Variants in SYT1 observed in about 807,000 individuals in gnomAD.
The protein encoded by SYT1 is synaptotagmin 1.
A neutral mutation model predicts 44.8 loss-of-function variants in SYT1; 8 were observed. The observed-to-expected ratio is 0.18, with a 90% confidence interval of 0.10 to 0.32. The LOEUF is 0.32. Ranked by LOEUF, SYT1 falls within the 10% of genes least tolerant of loss-of-function variation. The probability of loss-of-function intolerance (pLI) is 1.00; values close to 1 mark genes in which losing one functional copy is unlikely to be tolerated. For synonymous variants in SYT1, 154 were observed against 188.8 expected, an observed-to-expected ratio of 0.82 and a Z score of 1.51; for missense variants, 286 against 509.3, an observed-to-expected ratio of 0.56 and a Z score of 4.22.
intron 4 of SYT1, among the ~76,000 whole-genome samples, chr12:79,272,715 A>G (rs1161168075): frequency 6.6e-6 from 1 of 152,222 alleles, no homozygotes; most frequent in African/African-American, 2.4e-5. Context: ...GAATGGGAAG[A>G]TAACCAAGGG....
At chr12:79,317,313 T>A (rs1158260121) in intron 8 of SYT1, among the ~76,000 whole-genome samples, 2 of 152,222 alleles carry the variant, frequency 1.3e-5, no homozygotes, top group East Asian at 3.9e-4. Context: ...GTCAGCCTAC[T>A]TTATGCAAAA....
At chr12:79,384,781 G>A (rs908848561) in intron 9 of SYT1, among the ~76,000 whole-genome samples, 3 of 152,042 alleles carry the variant, frequency 2.0e-5, no homozygotes, top group Admixed American at 1.3e-4. Context: ...ATTGTTGGCC[G>A]ATGTGAAAAA....
chr12:79,447,097 C>T (rs531088390), intron 10 of SYT1, among the ~76,000 whole-genome samples: 1 of 152,202 alleles, frequency 6.6e-6, no homozygotes, highest in South Asian at 2.1e-4. Context: ...GAGGCAATAG[C>T]GTTTTGTCAG....
intron 3 of SYT1, among the ~76,000 whole-genome samples, chr12:79,125,636 AG>A (rs1868392746): frequency 1.3e-5 from 2 of 151,588 alleles, no homozygotes; most frequent in African/African-American, 2.4e-5. Context: ...AAAGAAAAAA[AG>A]AAAAAAAAAG....
chr12:78,903,134 T>TA (rs1209706869), intron 1 of SYT1, among the ~76,000 whole-genome samples: 2 of 152,062 alleles, frequency 1.3e-5, no homozygotes, highest in African/African-American at 2.4e-5. Context: ...AGAAGTAAAA[T>TA]AAAAAATCGT....
intron 1 of SYT1, among the ~76,000 whole-genome samples, chr12:78,928,851 A>T (rs1276007126): frequency 6.6e-6 from 1 of 152,154 alleles, no homozygotes; most frequent in South Asian, 2.1e-4. Context: ...ACTGCACGGT[A>T]ACTAAAGCCA....
chr12:79,423,201 C>T (rs962160198), intron 9 of SYT1, among the ~76,000 whole-genome samples: 1 of 152,114 alleles, frequency 6.6e-6, no homozygotes, highest in African/African-American at 2.4e-5. Context: ...CACATGTGTG[C>T]ACACGTGCAT....
At chr12:79,146,064 A>C (rs879594763) in intron 3 of SYT1, among the ~76,000 whole-genome samples, 3 of 152,096 alleles carry the variant, frequency 2.0e-5, no homozygotes, top group Non-Finnish European at 2.9e-5. Context: ...GCCTAAACAT[A>C]GTGTTTTAAG....
At chr12:78,952,467 T>C (rs1879017257) in intron 1 of SYT1, among the ~76,000 whole-genome samples, 1 of 152,168 alleles carries the variant, frequency 6.6e-6, no homozygotes, top group Non-Finnish European at 1.5e-5. Flanking sequence ...GGTTCTATTG[T>C]ACTATAAATT....
At chr12:78,974,597 C>T (rs922660826) in intron 1 of SYT1, among the ~76,000 whole-genome samples, 3 of 151,768 alleles carry the variant, frequency 2.0e-5, no homozygotes, top group Non-Finnish European at 2.9e-5. Context: ...CCACCATGCC[C>T]GGCTAATTTT....
At position 78,988,671 on chromosome 12, in the gene SYT1, T is replaced by G. The variant is rs930574757; in HGVS notation, c.-84+10740T>G. Among the ~76,000 whole-genome samples the G allele has an allele frequency of 4.0e-5, 6 of 151,194 alleles. No homozygotes were observed. In the South Asian group the frequency reaches 1.3e-3, roughly 32 times the overall value. ...TGTAGAGTGAGTGAGGAAATATACTTGGAGATGTGAAGTCAGAGATTTAGA... is the reference window on the plus strand; with the variant it reads ...TGTAGAGTGAGTGAGGAAATATACTGGGAGATGTGAAGTCAGAGATTTAGA... On this transcript the variant is annotated intron_variant, in intron 2 of 10. Transcript: ENST00000261205.
At chr12:79,038,495 A>G (rs1873293647) in intron 2 of SYT1, among the ~76,000 whole-genome samples, 1 of 151,852 alleles carries the variant, frequency 6.6e-6, no homozygotes, top group African/African-American at 2.4e-5. Context: ...CCTTTTAAAA[A>G]TAATCCCTGC....
At chr12:79,121,625 A>AGTGTGGGTATAAAGTCAGGCCAG (rs1879604683) in intron 3 of SYT1, among the ~76,000 whole-genome samples, 2 of 152,182 alleles carry the variant, frequency 1.3e-5, no homozygotes, top group Non-Finnish European at 2.9e-5. Flanking sequence ...CCCATTTCTT[A>AGTGTGGGTATAAAGTCAGGCCAG]GTGTGGGTAT....
intron 1 of SYT1, among the ~76,000 whole-genome samples, chr12:78,939,975 T>A (rs1004526450): frequency 6.6e-6 from 1 of 152,206 alleles, no homozygotes; most frequent in African/African-American, 2.4e-5. Context: ...CAATCTCAAT[T>A]CTTATTGGTT....
chr12:79,060,053 A>G (rs909771090), intron 3 of SYT1, among the ~76,000 whole-genome samples: 37 of 152,240 alleles, frequency 2.4e-4, no homozygotes, highest in African/African-American at 8.7e-4. Context: ...TCTTTGCATA[A>G]GAGAGTGAGC....
chr12:79,122,912 A>T (rs1363265814), intron 3 of SYT1, among the ~76,000 whole-genome samples: 1 of 152,278 alleles, frequency 6.6e-6, no homozygotes, highest in Admixed American at 6.5e-5. Flanking sequence ...ACACCTTCTA[A>T]GTAAAGTGAT....
At position 79,445,990 on chromosome 12, in the gene SYT1, CATATATATATATATATATATAT is replaced by C. The variant is rs59721146; in HGVS notation, c.1062+1807_1062+1828del. Among the ~76,000 whole-genome samples the C allele has an allele frequency of 4.5e-4, 20 of 44,138 alleles. 2 individuals carry two copies. Among genetic ancestry groups the C allele is most frequent in the South Asian group, 1.1e-3 (1 of 950 alleles). 29.0% of individuals were successfully genotyped at this position (44,138 alleles called of 152,430 possible). A position where few individuals can be genotyped will look rare whatever the true frequency, so the allele number is the denominator to read the frequency against. ...CTTCATGGAAACATTAATCCAAAGA[CATATATATATATATATATATAT>C]ATATATATATATATATATATATTAT... On this transcript the variant is annotated intron_variant, in intron 10 of 10. Coordinates refer to ENST00000261205, the MANE Select transcript of SYT1 (RefSeq NM_005639.3).
At chr12:79,113,959 A>G (rs1879147414) in intron 3 of SYT1, among the ~76,000 whole-genome samples, 7 of 152,124 alleles carry the variant, frequency 4.6e-5, no homozygotes, top group Admixed American at 4.6e-4. Flanking sequence ...TCATTCAACC[A>G]AGGCTTTCTA....
At chr12:78,947,320 C>A (rs1320975432) in intron 1 of SYT1, among the ~76,000 whole-genome samples, 1 of 152,094 alleles carries the variant, frequency 6.6e-6, no homozygotes, top group Admixed American at 6.6e-5. Flanking sequence ...TGGCAAAGCT[C>A]TTTTCCTGAA....
Sources: allele counts gnomAD v4.1 joint callset (sites outside exome capture counted in the v4.1 genomes callset), GRCh38; gene constraint gnomAD v4.1.1; transcripts MANE v1.5; gene names NCBI Gene and HGNC (gene_info 2026-07-23, HGNC 2026-07-21).